LIN28A: variants seen among roughly 807,000 people sequenced by gnomAD.
LIN28A encodes the protein protein lin-28 homolog A.
Under a neutral mutation model 21.1 loss-of-function variants are expected in LIN28A, and 11 were observed. The observed-to-expected ratio is 0.52, with a 90% confidence interval of 0.33 to 0.86. The LOEUF is 0.86. LIN28A is among the 40% of genes least tolerant of loss of function. The probability of loss-of-function intolerance (pLI) is 0.03; values close to 1 mark genes in which losing one functional copy is unlikely to be tolerated. For synonymous variants in LIN28A, 111 were observed against 108.7 expected (o/e 1.02, Z -0.13); for missense variants, 219 against 279.8 (o/e 0.78, Z 1.55).
In LIN28A at chr1:26,411,272, C is replaced by G. The variant is rs1334087542; in HGVS notation, c.32-114C>G. 2 of 1,031,986 alleles carry G rather than the reference C, an allele frequency of 1.9e-6. No individual in the cohort carries two copies. Among genetic ancestry groups the G allele is most frequent in the African/African-American group, 1.6e-5 (1 of 61,282 alleles). The allele number at this position is 1,031,986 out of a possible 1,614,324, so 63.9% of individuals were successfully genotyped here. ...TCTCTTCTGTTGCTTGGTAGCTGCC[C>G]CCTCCTGGCTGTCCACTTGTGGGGC... On this transcript the variant is annotated intron_variant, in intron 1 of 3. Transcript: ENST00000326279. This position sits in a 1 kb window ranked among gnomAD's most constrained non-coding sequence, Gnocchi z 5.4.
At chr1:26,426,170 T>A in intron 3 of LIN28A, 72 bp from the exon 4 acceptor site, 3 of 1,224,412 alleles carry the variant, frequency 2.5e-6, no homozygotes, top group Non-Finnish European at 3.6e-6. Context: ...AGCCCAGGTG[T>A]CCTCATTCGT....
chr1:26,419,902 ACC>A (rs1448287455), intron 2 of LIN28A, among the ~76,000 whole-genome samples: 1 of 152,054 alleles, frequency 6.6e-6, no homozygotes. Context: ...CTCCCAACTC[ACC>A]CACTAATTGC....
At chr1:26,410,952 T>G in intron 1 of LIN28A, 30 bp downstream of exon 1, 1 of 1,600,650 alleles carries the variant, frequency 6.2e-7, no homozygotes, top group Non-Finnish European at 8.5e-7. Context: ...CGGGGACACT[T>G]TAGGATTCAG....
chr1:26,410,852 C>T lies in LIN28A; in HGVS notation c.-40C>T. The T allele has an allele frequency of 6.2e-7, 1 of 1,611,038 alleles. No individual in the cohort carries two copies. Among genetic ancestry groups the T allele is most frequent in the East Asian group, 2.2e-5 (1 of 44,582 alleles). ...CGGACTTCTCCGGGGCCAGCAGCCG[C>T]CCGACCAGGGGCCCGGGGCCACGGG... On this transcript the variant is annotated 5_prime_UTR_variant, in exon 1 of 4. Transcript: ENST00000326279.
At chr1:26,412,932 T>G (rs889571480) in intron 2 of LIN28A, among the ~76,000 whole-genome samples, 2 of 152,148 alleles carry the variant, frequency 1.3e-5, no homozygotes, top group Non-Finnish European at 2.9e-5. Flanking sequence ...AGCAGGATAC[T>G]GAGCTGCCCC....
chr1:26,416,498 CTCCTGTCT>C (rs1232633494), intron 2 of LIN28A, among the ~76,000 whole-genome samples: 1 of 152,170 alleles, frequency 6.6e-6, no homozygotes, highest in African/African-American at 2.4e-5. Context: ...AAAACTATGC[CTCCTGTCT>C]TCCTGCAGGC....
chr1:26,414,521 G>A (rs2074982261), intron 2 of LIN28A, among the ~76,000 whole-genome samples: 1 of 152,082 alleles, frequency 6.6e-6, no homozygotes, highest in South Asian at 2.1e-4. Context: ...GATGAGTGGG[G>A]GGAAAAGCCC....
chr1:26,413,540 G>C (rs1343429276), intron 2 of LIN28A, among the ~76,000 whole-genome samples: 2 of 152,092 alleles, frequency 1.3e-5, no homozygotes, highest in Non-Finnish European at 2.9e-5. Flanking sequence ...TGGATTTTAG[G>C]CTCTTGGAAC....
rs143830906 is a variant in LIN28A, at chr1:26,425,468, C to T, written c.394C>T (p.Arg132Cys). The T allele has an allele frequency of 6.4e-5, 104 of 1,613,802 alleles. No individual in the cohort carries two copies. In the Admixed American group the frequency reaches 1.7e-3, roughly 26 times the overall value. The change falls in exon 3 of 4, where the codon CGC becomes TGC. Residue 132 changes from arginine (R) to cysteine (C), a missense_variant. Physicochemically the swap from Arg to Cys is radical, Grantham distance 180. Coordinates refer to ENST00000326279, the MANE Select transcript of LIN28A (RefSeq NM_024674.6). ...RRPKGKSMQK[R>C]RSKGDRCYNC... ...GCCAAAAGGAAAGAGCATGCAGAAG[C>T]GCAGATCAAAAGGAGACAGGTATGG...
Position 26,428,103 on chromosome 1 carries a change from G to A in LIN28A, c.*1645G>A, listed in dbSNP as rs1030810220. 15 of 152,584 alleles carry A rather than the reference G, an allele frequency of 9.8e-5. No homozygotes were observed. The highest frequency in any genetic ancestry group is 3.6e-4 in the African/African-American group (15 of 41,410). 9.5% of individuals were successfully genotyped at this position (152,584 alleles called of 1,614,324 possible). A position where few individuals can be genotyped will look rare whatever the true frequency, so the allele number is the denominator to read the frequency against. On this transcript the variant is annotated 3_prime_UTR_variant, in exon 4 of 4. Transcript: ENST00000326279. Reference sequence around the variant, plus strand: ...AGGACTTCACTACGTTGATTGCTAGGTGGCCTAGTTTGTGTAAATATAATG... The same window carrying A: ...AGGACTTCACTACGTTGATTGCTAGATGGCCTAGTTTGTGTAAATATAATG...
intron 2 of LIN28A, among the ~76,000 whole-genome samples, chr1:26,418,363 G>A (rs1392884349): frequency 2.6e-5 from 4 of 152,168 alleles, no homozygotes; most frequent in Admixed American, 1.3e-4. Flanking sequence ...TGGCTAACGC[G>A]GTGAAACCCC....
At position 26,425,364 on chromosome 1, in the gene LIN28A, T is replaced by G. The variant is rs755526537; in HGVS notation, c.290T>G (p.Phe97Cys). Reference protein sequence around the residue: ...LKEGEAVEFTFKKSAKGLESI... With the variant: ...LKEGEAVEFTCKKSAKGLESI... Reference sequence around the variant, plus strand: ...GAGGGTGAGGCAGTGGAGTTCACCTTTAAGAAGTCAGCCAAGGGTCTGGAA... The same window carrying G: ...GAGGGTGAGGCAGTGGAGTTCACCTGTAAGAAGTCAGCCAAGGGTCTGGAA... Residue 97 changes from phenylalanine to cysteine, a missense_variant, in exon 3 of 4, where the codon TTT (phenylalanine) becomes TGT (cysteine). By Grantham distance (205) the Phe-to-Cys change is radical. Coordinates refer to ENST00000326279, the MANE Select transcript of LIN28A (RefSeq NM_024674.6). The G allele has an allele frequency of 1.2e-6, 2 of 1,614,022 alleles. No homozygotes were observed. The highest frequency in any genetic ancestry group is 1.7e-6 in the Non-Finnish European group (2 of 1,180,000).
At chr1:26,419,288 C>T (rs1303181751) in intron 2 of LIN28A, among the ~76,000 whole-genome samples, 1 of 152,102 alleles carries the variant, frequency 6.6e-6, no homozygotes, top group African/African-American at 2.4e-5. Context: ...CCCTGGAGAC[C>T]ACCAGTTTAA....
chr1:26,427,342 T>A lies in LIN28A; in HGVS notation c.*884T>A, dbSNP rs1406759237. On this transcript the variant is annotated 3_prime_UTR_variant, in exon 4 of 4. Transcript: ENST00000326279. ...TTTGCCACCGTGGAGAGCAACTATT[T>A]GGAGTGCACAGCCTATTGAACTACC... 6.5e-6 allele frequency: 1 copy of A among 152,674 alleles called. No individual in the cohort carries two copies. The highest frequency in any genetic ancestry group is 1.5e-5 in the Non-Finnish European group (1 of 68,052). 9.5% of individuals were successfully genotyped at this position (152,674 alleles called of 1,614,324 possible).
intron 2 of LIN28A, among the ~76,000 whole-genome samples, chr1:26,423,783 G>A (rs537703948): frequency 5.0e-4 from 76 of 151,684 alleles, no homozygotes; most frequent in African/African-American, 1.8e-3. Context: ...TTTGTTTTGC[G>A]ACGGAGTCTT....
chr1:26,425,662 T>G (rs1400910067), intron 3 of LIN28A, among the ~76,000 whole-genome samples, 175 bp downstream of exon 3: 2 of 152,170 alleles, frequency 1.3e-5, no homozygotes, highest in Non-Finnish European at 2.9e-5. Flanking sequence ...AGGAGGCCAC[T>G]GGGGGTGACT....
In LIN28A at chr1:26,426,372, C is replaced by T; in HGVS notation, c.544C>T (p.Pro182Ser). The T allele has an allele frequency of 6.2e-7, 1 of 1,614,142 alleles. No homozygotes were observed. Residue 182 changes from proline to serine, a missense_variant, in exon 4 of 4, where the codon CCT (proline) becomes TCT (serine). Physicochemically the swap from Pro to Ser is moderately conservative, Grantham distance 74 (BLOSUM62 -1). Transcript: ENST00000326279. ...ATGTCCGCTGAAGGCCCAGCAGGGCCCTAGTGCACAGGGAAAGCCAACCTA... is the reference window on the plus strand; with the variant it reads ...ATGTCCGCTGAAGGCCCAGCAGGGCTCTAGTGCACAGGGAAAGCCAACCTA... Reference protein sequence around the residue: ...ASCPLKAQQGPSAQGKPTYFR... With the variant: ...ASCPLKAQQGSSAQGKPTYFR...
chr1:26,417,063 G>A (rs1217062506), intron 2 of LIN28A, among the ~76,000 whole-genome samples: 1 of 152,072 alleles, frequency 6.6e-6, no homozygotes, highest in East Asian at 1.9e-4. Flanking sequence ...GGGTGGGACG[G>A]GGAGGACAAG....
chr1:26,413,988 C>T (rs923616920), intron 2 of LIN28A, among the ~76,000 whole-genome samples: 9 of 151,758 alleles, frequency 5.9e-5, no homozygotes, highest in Non-Finnish European at 1.0e-4. Flanking sequence ...CCACCACGCT[C>T]GGCTAATTTT....
Sources: allele counts gnomAD v4.1 joint callset (sites outside exome capture counted in the v4.1 genomes callset), GRCh38; gene constraint gnomAD v4.1.1; non-coding constraint Gnocchi (gnomAD v3.1); transcripts MANE v1.5; gene names NCBI Gene and HGNC (gene_info 2026-07-23, HGNC 2026-07-21).